MRAP2: variants seen among roughly 807,000 people sequenced by gnomAD.
The protein encoded by MRAP2 is melanocortin-2 receptor accessory protein 2.
MRAP2 carries 20 observed loss-of-function variants against 17.4 expected under a neutral mutation model. The observed-to-expected ratio is 1.15, with a 90% CI of 0.81 to 1.67. The LOEUF is 1.67. Among genes scored for constraint, MRAP2 ranks in the 40% most tolerant of loss-of-function variants. The probability of loss-of-function intolerance (pLI) is 0.00; values close to 1 mark genes in which losing one functional copy is unlikely to be tolerated. For missense variants in MRAP2, 238 were observed against 240.0 expected, an observed-to-expected ratio of 0.99 and a Z score of 0.05; for synonymous variants, 96 against 88.4, an observed-to-expected ratio of 1.09 and a Z score of -0.48.
At chr6:84,105,355 A>G in the MRAP2 span, among the ~76,000 whole-genome samples, 1,149 of 152,274 alleles carry the variant, frequency 7.5e-3, 14 homozygotes, top group African/African-American at 0.027. Flanking sequence ...AAGCCTCACA[A>G]TCATGGCAGA....
At chr6:84,035,551 A>G (rs921859901) in intron 1 of MRAP2, 2 of 396,774 alleles carry the variant, frequency 5.0e-6, no homozygotes, top group Non-Finnish European at 6.8e-6. Context: ...AGAAAGAAAG[A>G]TAAGATATCA....
chr6:84,116,355 G>A, the MRAP2 span, among the ~76,000 whole-genome samples: 2 of 152,110 alleles, frequency 1.3e-5, no homozygotes, highest in Non-Finnish European at 2.9e-5. Context: ...AGATCTGATG[G>A]TTTTATAAGG....
At chr6:84,135,160 GCTAATA>G in the MRAP2 span, among the ~76,000 whole-genome samples, 1 of 152,150 alleles carries the variant, frequency 6.6e-6, no homozygotes, top group East Asian at 1.9e-4. Context: ...CCTTCTAATT[GCTAATA>G]CTAATTATTA....
chr6:84,052,403 G>T (rs1353646896), intron 1 of MRAP2, among the ~76,000 whole-genome samples: 1 of 152,154 alleles, frequency 6.6e-6, no homozygotes, highest in Non-Finnish European at 1.5e-5. Context: ...GGACATGCTG[G>T]CAGTTCCCAG....
At chr6:84,082,365 G>A (rs2099499213) in intron 3 of MRAP2, among the ~76,000 whole-genome samples, 1 of 152,066 alleles carries the variant, frequency 6.6e-6, no homozygotes, top group Non-Finnish European at 1.5e-5. Context: ...CTTTAGCAAA[G>A]GCTTATAGAT....
chr6:84,145,798 T>C, the MRAP2 span, among the ~76,000 whole-genome samples: 1 of 152,158 alleles, frequency 6.6e-6, no homozygotes, highest in Non-Finnish European at 1.5e-5. Flanking sequence ...TATTGCTGCG[T>C]GTCTTATAAC....
At chr6:84,038,873 A>T (rs938707908) in intron 1 of MRAP2, among the ~76,000 whole-genome samples, 2 of 152,216 alleles carry the variant, frequency 1.3e-5, no homozygotes, top group Non-Finnish European at 2.9e-5. Context: ...GGCAGGGAAG[A>T]TGAATCCCTT....
intron 3 of MRAP2, among the ~76,000 whole-genome samples, chr6:84,065,375 A>G (rs142596933): frequency 0.01 from 1,574 of 152,316 alleles, 30 homozygotes; most frequent in African/African-American, 0.036. Context: ...CTGAGAATCT[A>G]TTTAACAACC....
chr6:84,121,746 T>G, the MRAP2 span, among the ~76,000 whole-genome samples: 1 of 152,078 alleles, frequency 6.6e-6, no homozygotes, highest in African/African-American at 2.4e-5. Flanking sequence ...GAAAATTCTT[T>G]GAAATAAATG....
Position 84,089,453 on chromosome 6 carries a change from C to A in MRAP2, c.590C>A (p.Ser197Tyr). ...ATTGTTCTGGAAACTAAGCCACTTT[C>A]CCAGACCTCACACAAAGACCTGGAT... ...PPIVLETKPL[S>Y]QTSHKDLD The change falls in exon 4 of 4, where the codon TCC becomes TAC. Residue 197 changes from serine to tyrosine, a missense_variant. Transcript: ENST00000257776. 1 of 1,613,674 alleles carries A rather than the reference C, an allele frequency of 6.2e-7. No individual in the cohort carries two copies. The highest frequency in any genetic ancestry group is 8.5e-7 in the Non-Finnish European group (1 of 1,179,872).
At chr6:84,099,141 A>C in the MRAP2 span, among the ~76,000 whole-genome samples, 1 of 149,362 alleles carries the variant, frequency 6.7e-6, no homozygotes, top group Non-Finnish European at 1.5e-5. Flanking sequence ...GTGTGAGATC[A>C]CCATGATCTT....
At chr6:84,134,632 G>A in the MRAP2 span, among the ~76,000 whole-genome samples, 10 of 152,224 alleles carry the variant, frequency 6.6e-5, 1 homozygote, top group Admixed American at 1.3e-4. Context: ...TCCCGGATGA[G>A]GCAAGGCCCC....
At chr6:84,094,133 A>G (rs115898322), downstream of MRAP2, among the ~76,000 whole-genome samples, 1,589 of 152,286 alleles carry the variant, frequency 0.01, 32 homozygotes, top group African/African-American at 0.036. Context: ...CCCTATCTCT[A>G]TTCCTAGTTA....
the MRAP2 span, among the ~76,000 whole-genome samples, chr6:84,137,652 A>T: frequency 6.6e-6 from 1 of 152,166 alleles, no homozygotes; most frequent in African/African-American, 2.4e-5. Context: ...ATCCATAGGG[A>T]TCATGAGTAA....
chr6:84,099,440 G>A, the MRAP2 span, among the ~76,000 whole-genome samples: 1 of 151,818 alleles, frequency 6.6e-6, no homozygotes, highest in Admixed American at 6.6e-5. Context: ...CTGGATATTT[G>A]CCCCCTCCAA....
chr6:84,114,299 CT>C, the MRAP2 span, among the ~76,000 whole-genome samples: 1 of 151,318 alleles, frequency 6.6e-6, no homozygotes, highest in African/African-American at 2.5e-5. Context: ...TTTCTCTAAT[CT>C]TGTTTTCAAA....
downstream of MRAP2, among the ~76,000 whole-genome samples, chr6:84,094,878 G>T (rs1419772492): frequency 6.6e-6 from 1 of 152,008 alleles, no homozygotes; most frequent in African/African-American, 2.4e-5. Flanking sequence ...TTTCTATCAT[G>T]CTCAGCACTT....
the MRAP2 span, among the ~76,000 whole-genome samples, chr6:84,115,033 C>T: frequency 6.6e-6 from 1 of 152,184 alleles, no homozygotes; most frequent in Non-Finnish European, 1.5e-5. Flanking sequence ...AGGTGTCTCC[C>T]AGTCAGGATA....
chr6:84,123,371 A>T, the MRAP2 span, among the ~76,000 whole-genome samples: 7 of 152,214 alleles, frequency 4.6e-5, no homozygotes, highest in African/African-American at 1.7e-4. Context: ...GTAGTGGTAT[A>T]AAAATACACA....
Sources: gnomAD v4.1 joint callset for allele counts (sites outside exome capture counted in the v4.1 genomes callset) on GRCh38, gnomAD v4.1.1 for gene constraint, MANE v1.5 for transcripts, NCBI Gene and HGNC (gene_info 2026-07-23, HGNC 2026-07-21) for gene names.